Variants in DAB1 observed in about 807,000 individuals in gnomAD.
DAB1 encodes disabled homolog 1.
DAB1 carries 15 observed loss-of-function variants against 64.6 expected under a neutral mutation model. The ratio of observed to expected loss-of-function variants is 0.23; its 90% CI spans 0.16 to 0.36. DAB1 has a LOEUF of 0.36. Among genes scored for constraint, DAB1 ranks in the 10% least tolerant of loss-of-function variants. The pLI, the probability that DAB1 is intolerant of heterozygous loss-of-function variation, is 1.00. For missense variants in DAB1, 596 were observed against 706.7 expected (o/e 0.84, Z 1.78); for synonymous variants, 235 against 251.9 (o/e 0.93, Z 0.64).
At position 58,029,239 on chromosome 1, in the gene DAB1, T is replaced by C. The variant is rs530882571; in HGVS notation, n.387+121272A>G. Among the ~76,000 whole-genome samples the C allele has an allele frequency of 1.2e-3, 177 of 152,334 alleles. 1 individual carries two copies. Among genetic ancestry groups the C allele is most frequent in the South Asian group, 6.2e-3 (30 of 4,828 alleles). ...GCAACGACAAGCTAGTGATTCAGGCTAATTCAATGCAGCCTCAGTGGGATT... is the reference window on the plus strand; with the variant it reads ...GCAACGACAAGCTAGTGATTCAGGCCAATTCAATGCAGCCTCAGTGGGATT... On this transcript the variant is annotated intron_variant and non_coding_transcript_variant, in intron 5 of 20. Coordinates refer to the DAB1 transcript ENST00000485760.
chr1:58,474,182 A>C (rs944914222), intron 3 of DAB1, among the ~76,000 whole-genome samples: 1 of 152,124 alleles, frequency 6.6e-6, no homozygotes, highest in Non-Finnish European at 1.5e-5. Context: ...CTTGCAGCAC[A>C]ATGGGATAGG....
chr1:58,196,058 G>C (rs1428275564), intron 4 of DAB1, among the ~76,000 whole-genome samples: 1 of 152,196 alleles, frequency 6.6e-6, no homozygotes, highest in African/African-American at 2.4e-5. Flanking sequence ...AAAAGTAAAG[G>C]CATGAGTGGT....
At chr1:58,537,794 C>T (rs1646540547) in intron 1 of DAB1, among the ~76,000 whole-genome samples, 1 of 152,062 alleles carries the variant, frequency 6.6e-6, no homozygotes, top group African/African-American at 2.4e-5. Flanking sequence ...TACTTATTTC[C>T]TATTTAAAAC....
At chr1:58,493,705 T>A (rs1645742589) in intron 3 of DAB1, among the ~76,000 whole-genome samples, 1 of 151,730 alleles carries the variant, frequency 6.6e-6, no homozygotes, top group Admixed American at 6.6e-5. Flanking sequence ...GAATCCAACT[T>A]ACAAGGGATG....
chr1:57,765,768 C>G (rs1229933877), intron 6 of DAB1, among the ~76,000 whole-genome samples: 1 of 152,148 alleles, frequency 6.6e-6, no homozygotes, highest in Non-Finnish European at 1.5e-5. Context: ...GTTTCCTCTC[C>G]TCCCTGGCTA....
intron 5 of DAB1, among the ~76,000 whole-genome samples, chr1:57,940,844 T>C (rs548228526): frequency 1.3e-5 from 2 of 152,298 alleles, no homozygotes; most frequent in African/African-American, 4.8e-5. Flanking sequence ...AAGCTTCCAG[T>C]AAAGAAATGG....
chr1:58,229,425 C>T (rs1570514264), intron 4 of DAB1, among the ~76,000 whole-genome samples: 1 of 152,178 alleles, frequency 6.6e-6, no homozygotes, highest in South Asian at 2.1e-4. Flanking sequence ...CATTTGGAGA[C>T]TGCATCTTGG....
chr1:57,493,367 G>C (rs796246285), intron 7 of DAB1, among the ~76,000 whole-genome samples: 66 of 152,012 alleles, frequency 4.3e-4, no homozygotes, highest in African/African-American at 1.6e-3. Context: ...TGGGCAACTT[G>C]TATGAGTAGG....
At chr1:57,365,160 C>A (rs1679877165) in intron 1 of DAB1, among the ~76,000 whole-genome samples, 1 of 137,264 alleles carries the variant, frequency 7.3e-6, no homozygotes, top group African/African-American at 2.7e-5. Flanking sequence ...TTATGAAGTA[C>A]AGAAAATATA....
chr1:58,164,189 TA>T (rs71691727), intron 4 of DAB1, among the ~76,000 whole-genome samples: 5,142 of 115,426 alleles, frequency 0.045, 235 homozygotes, highest in African/African-American at 0.13. Flanking sequence ...GAGCTCAGCT[TA>T]AAAAAAAAAA....
intron 6 of DAB1, among the ~76,000 whole-genome samples, chr1:57,760,011 T>C (rs939130874): frequency 6.6e-6 from 1 of 151,978 alleles, no homozygotes; most frequent in Non-Finnish European, 1.5e-5. Flanking sequence ...AATAGAAATG[T>C]CTGTAGGGAA....
intron 1 of DAB1, among the ~76,000 whole-genome samples, chr1:57,318,881 CT>C (rs1049071832): frequency 1.3e-5 from 2 of 152,140 alleles, no homozygotes; most frequent in African/African-American, 4.8e-5. Context: ...AGTTCTATGC[CT>C]GCTCTTTACA....
chr1:57,259,239 T>C (rs1213344788), intron 2 of DAB1, among the ~76,000 whole-genome samples: 2 of 152,090 alleles, frequency 1.3e-5, no homozygotes, highest in Non-Finnish European at 2.9e-5. Flanking sequence ...TAAGACCAGC[T>C]GGGGAGAGAG....
intron 2 of DAB1, among the ~76,000 whole-genome samples, chr1:57,206,715 T>C (rs1041999913): frequency 9.2e-5 from 14 of 152,136 alleles, no homozygotes; most frequent in African/African-American, 3.4e-4. Context: ...CCAGTGTCTA[T>C]AAACTAGAAC....
intron 7 of DAB1, 60 bp downstream of exon 7, chr1:57,070,963 G>T: frequency 7.1e-7 from 1 of 1,412,732 alleles, no homozygotes; most frequent in Non-Finnish European, 1.0e-6. Flanking sequence ...CTGACAAAAT[G>T]GCTCTGGCAC....
chr1:57,740,764 G>A (rs755568158), intron 6 of DAB1, among the ~76,000 whole-genome samples: 9 of 152,208 alleles, frequency 5.9e-5, no homozygotes, highest in Non-Finnish European at 1.2e-4. Flanking sequence ...TGTCTTCCAC[G>A]CACTGGGCTG....
intron 1 of DAB1, among the ~76,000 whole-genome samples, chr1:57,320,698 A>G (rs1159415059): frequency 1.3e-5 from 2 of 152,204 alleles, no homozygotes; most frequent in Non-Finnish European, 2.9e-5. Flanking sequence ...AATATTATAT[A>G]TATCACCATT....
At chr1:57,078,572 G>C (rs1237039930) in intron 4 of DAB1, among the ~76,000 whole-genome samples, 1 of 151,956 alleles carries the variant, frequency 6.6e-6, no homozygotes, top group Non-Finnish European at 1.5e-5. Context: ...TATCTTCTTG[G>C]GCTACTGGTC....
chr1:57,194,158 A>G (rs1216446156), intron 2 of DAB1, among the ~76,000 whole-genome samples: 2 of 152,254 alleles, frequency 1.3e-5, no homozygotes, highest in Admixed American at 6.5e-5. Context: ...GGCTTGTTAA[A>G]GAAGAGATTG....
Sources: allele counts gnomAD v4.1 joint callset (sites outside exome capture counted in the v4.1 genomes callset), GRCh38; gene constraint gnomAD v4.1.1; transcripts MANE v1.5; gene names NCBI Gene and HGNC (gene_info 2026-07-23, HGNC 2026-07-21).